Variants in ARB2A observed in about 807,000 individuals in gnomAD.
ARB2A encodes the protein ARB2 cotranscriptional regulator A.
the ARB2A span, among the ~76,000 whole-genome samples, chr5:94,057,256 T>C: frequency 1.3e-5 from 2 of 152,164 alleles, no homozygotes; most frequent in African/African-American, 4.8e-5. Context: ...GAAGATATTA[T>C]GCAAAGTGAA....
chr5:93,768,436 A>G, the ARB2A span, among the ~76,000 whole-genome samples: 1 of 151,456 alleles, frequency 6.6e-6, no homozygotes, highest in Non-Finnish European at 1.5e-5. Flanking sequence ...GTCACCTGAC[A>G]TAGATGCAAG....
the ARB2A span, among the ~76,000 whole-genome samples, chr5:93,873,947 C>T: frequency 6.6e-6 from 1 of 152,054 alleles, no homozygotes; most frequent in Admixed American, 6.5e-5. Context: ...TTACTTTCTA[C>T]CACATGAAAG....
At chr5:93,943,897 C>CA in the ARB2A span, among the ~76,000 whole-genome samples, 1 of 152,044 alleles carries the variant, frequency 6.6e-6, no homozygotes, top group Non-Finnish European at 1.5e-5. Context: ...AGAATCAAAA[C>CA]ATTAATGGCC....
chr5:93,956,217 A>G, the ARB2A span, among the ~76,000 whole-genome samples: 1 of 152,156 alleles, frequency 6.6e-6, no homozygotes, highest in African/African-American at 2.4e-5. Context: ...AATACCTATG[A>G]TTTTCAAACT....
At chr5:93,946,494 A>G in the ARB2A span, among the ~76,000 whole-genome samples, 4 of 152,200 alleles carry the variant, frequency 2.6e-5, no homozygotes, top group South Asian at 8.3e-4. Flanking sequence ...CAAAAATGAA[A>G]AGCAATCATA....
chr5:93,912,082 T>TA, the ARB2A span, among the ~76,000 whole-genome samples: 1 of 151,666 alleles, frequency 6.6e-6, no homozygotes, highest in Non-Finnish European at 1.5e-5. Context: ...ATGTTCAGAC[T>TA]AAAAAAATCA....
At chr5:93,789,818 A>G in the ARB2A span, among the ~76,000 whole-genome samples, 4 of 152,226 alleles carry the variant, frequency 2.6e-5, no homozygotes, top group Admixed American at 6.5e-5. Flanking sequence ...GAGAACAAAT[A>G]CCATCTTTGG....
the ARB2A span, among the ~76,000 whole-genome samples, chr5:93,944,039 T>C: frequency 6.6e-6 from 1 of 152,190 alleles, no homozygotes; most frequent in Non-Finnish European, 1.5e-5. Context: ...AGTTTCATTA[T>C]AATTTAAATA....
the ARB2A span, among the ~76,000 whole-genome samples, chr5:93,723,442 G>A: frequency 1.3e-5 from 2 of 152,126 alleles, no homozygotes; most frequent in South Asian, 4.2e-4. Context: ...GTGCACATGA[G>A]GAGCACCTAC....
At chr5:93,852,305 G>GT in the ARB2A span, among the ~76,000 whole-genome samples, 2 of 152,048 alleles carry the variant, frequency 1.3e-5, no homozygotes, top group African/African-American at 2.4e-5. Context: ...GGGGTTGTTT[G>GT]TTTTTTTCTT....
At chr5:93,962,073 G>A in the ARB2A span, among the ~76,000 whole-genome samples, 1 of 151,948 alleles carries the variant, frequency 6.6e-6, no homozygotes, top group South Asian at 2.1e-4. Flanking sequence ...TTGAACATAC[G>A]GCTGTTCCAA....
At chr5:94,078,136 C>A in the ARB2A span, among the ~76,000 whole-genome samples, 1 of 152,094 alleles carries the variant, frequency 6.6e-6, no homozygotes. Flanking sequence ...GTATTAAATA[C>A]GAACTAGATA....
At chr5:93,701,426 T>G in the ARB2A span, among the ~76,000 whole-genome samples, 2 of 152,146 alleles carry the variant, frequency 1.3e-5, no homozygotes, top group African/African-American at 4.8e-5. Flanking sequence ...TATTGACTGA[T>G]TTTTCAGTTT....
the ARB2A span, chr5:93,620,454 A>AGT: frequency 6.8e-6 from 1 of 147,524 alleles, no homozygotes; most frequent in Non-Finnish European, 1.5e-5. Flanking sequence ...TCGGCTTTGG[A>AGT]GTGTGTGTGG....
the ARB2A span, chr5:93,620,970 C>G: frequency 1.2e-6 from 2 of 1,600,320 alleles, no homozygotes; most frequent in Non-Finnish European, 1.7e-6. Context: ...CGGCCTCCCC[C>G]GTCGCGCTCG....
At chr5:94,017,541 A>T in the ARB2A span, among the ~76,000 whole-genome samples, 1 of 152,204 alleles carries the variant, frequency 6.6e-6, no homozygotes, top group Non-Finnish European at 1.5e-5. Flanking sequence ...TGCTTCCCAT[A>T]CCTAGTACTG....
the ARB2A span, among the ~76,000 whole-genome samples, chr5:93,791,691 G>C: frequency 1.3e-5 from 2 of 152,154 alleles, no homozygotes; most frequent in Admixed American, 6.5e-5. Context: ...GGAAGGAAAA[G>C]GCTCTCCATA....
the ARB2A span, among the ~76,000 whole-genome samples, chr5:93,838,460 T>C: frequency 3.3e-5 from 5 of 152,142 alleles, no homozygotes; most frequent in South Asian, 2.1e-4. Flanking sequence ...TGTTTGCTTA[T>C]GAGTGCCTTG....
At chr5:93,848,149 C>T in the ARB2A span, among the ~76,000 whole-genome samples, 8 of 152,060 alleles carry the variant, frequency 5.3e-5, no homozygotes, top group African/African-American at 1.7e-4. Flanking sequence ...CTGTGGGAGG[C>T]CAAGGCAGGT....
Sources: allele counts gnomAD v4.1 joint callset (sites outside exome capture counted in the v4.1 genomes callset), GRCh38; gene constraint gnomAD v4.1.1; transcripts MANE v1.5; gene names NCBI Gene and HGNC (gene_info 2026-07-23, HGNC 2026-07-21).